Variants in SPAG16 observed in about 807,000 individuals in gnomAD.
SPAG16 encodes the protein sperm-associated antigen 16 protein.
A neutral mutation model predicts 80.4 loss-of-function variants in SPAG16; 86 were observed. The ratio of observed to expected loss-of-function variants is 1.07; its 90% CI spans 0.90 to 1.28. The LOEUF (loss-of-function observed/expected upper bound fraction) is 1.28, where lower values mean the gene tolerates loss of function less well. Ranked by LOEUF, SPAG16 falls within the 50% of genes most tolerant of loss-of-function variation. SPAG16 has a pLI of 0.00. For synonymous variants in SPAG16, 294 were observed against 265.9 expected (o/e 1.11, Z -1.03); for missense variants, 870 against 765.3 (o/e 1.14, Z -1.61).
At chr2:213,618,660 A>G (rs1211688839) in intron 10 of SPAG16, among the ~76,000 whole-genome samples, 4 of 151,702 alleles carry the variant, frequency 2.6e-5, no homozygotes, top group African/African-American at 9.7e-5. Context: ...TCGTGTTTAT[A>G]GTTTGCTGAA....
At chr2:214,193,215 G>T (rs1026369172) in intron 15 of SPAG16, among the ~76,000 whole-genome samples, 4 of 151,896 alleles carry the variant, frequency 2.6e-5, no homozygotes, top group Admixed American at 6.6e-5. Flanking sequence ...ATACATCTAT[G>T]AGCAATTAGC....
chr2:213,770,864 T>C (rs768971866), intron 10 of SPAG16, among the ~76,000 whole-genome samples: 8 of 152,220 alleles, frequency 5.3e-5, no homozygotes, highest in Non-Finnish European at 7.3e-5. Context: ...CAGTCTATCA[T>C]TGATGGGCAT....
intron 10 of SPAG16, among the ~76,000 whole-genome samples, chr2:213,860,324 C>A (rs1209520844): frequency 6.8e-6 from 1 of 146,002 alleles, no homozygotes; most frequent in Non-Finnish European, 1.5e-5. Context: ...GTAGAATTAC[C>A]CACAAAAGTC....
chr2:213,832,989 A>G (rs2073762775), intron 10 of SPAG16, among the ~76,000 whole-genome samples: 1 of 152,010 alleles, frequency 6.6e-6, no homozygotes, highest in Non-Finnish European at 1.5e-5. Flanking sequence ...ATTTGTATAT[A>G]TGTTTCATAT....
intron 10 of SPAG16, among the ~76,000 whole-genome samples, chr2:213,590,016 T>C (rs1321886352): frequency 2.0e-5 from 3 of 152,052 alleles, no homozygotes; most frequent in South Asian, 2.1e-4. Context: ...TAATATTCCC[T>C]CCCATTCTTC....
intron 9 of SPAG16, among the ~76,000 whole-genome samples, chr2:213,400,374 G>T (rs2068247764): frequency 6.6e-6 from 1 of 152,024 alleles, no homozygotes; most frequent in African/African-American, 2.4e-5. Context: ...GTATTTTAAG[G>T]TTTCCATTAT....
At chr2:213,468,664 G>T (rs947225959) in intron 9 of SPAG16, among the ~76,000 whole-genome samples, 1 of 145,760 alleles carries the variant, frequency 6.9e-6, no homozygotes, top group African/African-American at 2.5e-5. Context: ...TATTGTGTGT[G>T]TGTGTGTATA....
chr2:213,684,010 A>G lies in SPAG16; in HGVS notation c.1071-178475A>G, dbSNP rs148682509. ...AGTTCTTTCTTCAATTTTGTGGATT[A>G]GTAAGTACATAAAAAGAATTCATTC... On this transcript the variant is annotated intron_variant, in intron 10 of 15. Transcript: ENST00000331683. 2.6e-5 allele frequency among the ~76,000 whole-genome samples: 4 copies of G among 152,356 alleles called. No homozygotes were observed. In the East Asian group the frequency reaches 7.7e-4, roughly 29 times the overall value.
chr2:213,763,035 C>T (rs1308619256), intron 10 of SPAG16, among the ~76,000 whole-genome samples: 2 of 152,162 alleles, frequency 1.3e-5, no homozygotes, highest in East Asian at 1.9e-4. Context: ...TGTAAAGGTG[C>T]TCACCATCAC....
chr2:214,151,872 T>C (rs2055989012), intron 15 of SPAG16, among the ~76,000 whole-genome samples: 1 of 152,230 alleles, frequency 6.6e-6, no homozygotes, highest in Non-Finnish European at 1.5e-5. Flanking sequence ...AATAGCATCC[T>C]GTCTGAGATA....
intron 10 of SPAG16, among the ~76,000 whole-genome samples, chr2:213,851,465 G>GT (rs2074903156): frequency 6.6e-6 from 1 of 152,108 alleles, no homozygotes; most frequent in Non-Finnish European, 1.5e-5. Flanking sequence ...CCAAGATTGC[G>GT]CCACTGCACT....
At chr2:214,063,868 C>G (rs1252544961) in intron 13 of SPAG16, among the ~76,000 whole-genome samples, 1 of 152,154 alleles carries the variant, frequency 6.6e-6, no homozygotes, top group African/African-American at 2.4e-5. Flanking sequence ...TATCTCTCCT[C>G]TCACTGTAAA....
chr2:214,326,373 G>A (rs1325677511), intron 15 of SPAG16, among the ~76,000 whole-genome samples: 1 of 152,152 alleles, frequency 6.6e-6, no homozygotes, highest in African/African-American at 2.4e-5. Flanking sequence ...GCATGGCCCT[G>A]CTGACACCTT....
intron 10 of SPAG16, among the ~76,000 whole-genome samples, chr2:213,625,416 C>T (rs6735254): frequency 0.014 from 2,094 of 151,966 alleles, 25 homozygotes; most frequent in Middle Eastern, 0.034. Flanking sequence ...CTCGTGTACC[C>T]CCCGTAAATA....
intron 11 of SPAG16, among the ~76,000 whole-genome samples, chr2:213,894,987 C>CAAAAAAAAAA (rs71063793): frequency 2.0e-5 from 1 of 49,304 alleles, no homozygotes; most frequent in African/African-American, 1.2e-4. Context: ...GGCTCCATCT[C>CAAAAAAAAAA]AAAAAAAAAA....
intron 9 of SPAG16, among the ~76,000 whole-genome samples, chr2:213,405,267 G>A (rs2068549905): frequency 6.6e-6 from 1 of 151,900 alleles, no homozygotes; most frequent in Admixed American, 6.6e-5. Flanking sequence ...TATGTTTTTT[G>A]GAAGAATATA....
chr2:214,222,239 C>G (rs922508254), intron 15 of SPAG16, among the ~76,000 whole-genome samples: 2 of 151,622 alleles, frequency 1.3e-5, no homozygotes, highest in African/African-American at 4.8e-5. Flanking sequence ...GACTCAGCCT[C>G]CTGAGTAGCT....
At chr2:213,658,814 G>A (rs1254256618) in intron 10 of SPAG16, among the ~76,000 whole-genome samples, 3 of 152,132 alleles carry the variant, frequency 2.0e-5, no homozygotes, top group Non-Finnish European at 4.4e-5. Flanking sequence ...CAAGGTGGGC[G>A]GATCACGAAG....
At chr2:214,392,302 C>G (rs1701130308) in intron 15 of SPAG16, among the ~76,000 whole-genome samples, 1 of 152,094 alleles carries the variant, frequency 6.6e-6, no homozygotes, top group Admixed American at 6.5e-5. Flanking sequence ...ACTACAGGCA[C>G]CAGCCACCAC....
Sources: allele counts gnomAD v4.1 joint callset (sites outside exome capture counted in the v4.1 genomes callset), GRCh38; gene constraint gnomAD v4.1.1; transcripts MANE v1.5; gene names NCBI Gene and HGNC (gene_info 2026-07-23, HGNC 2026-07-21).